Variants in ADCY2 observed in about 807,000 individuals in gnomAD.
The protein encoded by ADCY2 is adenylate cyclase type 2.
ADCY2 carries 31 observed loss-of-function variants against 125.2 expected under a neutral mutation model. The observed-to-expected ratio is 0.25, with a 90% CI of 0.19 to 0.33. The LOEUF is 0.33. Among genes scored for constraint, ADCY2 ranks in the 10% least tolerant of loss-of-function variants. The pLI is 1.00. For synonymous variants in ADCY2, 512 were observed against 548.4 expected, an observed-to-expected ratio of 0.93 and a Z score of 0.93; for missense variants, 904 against 1,418.2, an observed-to-expected ratio of 0.64 and a Z score of 5.82.
rs553854254 is a variant in ADCY2, at chr5:7,673,205, C to CCAGCCTGG, written c.721-17485_721-17478dup. On this transcript the variant is annotated intron_variant, in intron 4 of 24. Transcript: ENST00000338316. ...ATCACTTGAGCTCAGGACTACAAGA[C>CCAGCCTGG]CAGCCTGGGCAACATGGTGAAACCT... Among the ~76,000 whole-genome samples the CCAGCCTGG allele has an allele frequency of 2.0e-4, 25 of 125,610 alleles. 1 individual carries two copies. In the South Asian group the frequency reaches 6.6e-3, roughly 33 times the overall value. 82.4% of individuals were successfully genotyped at this position (125,610 alleles called of 152,430 possible).
At chr5:7,493,748 A>G (rs1470252958) in intron 2 of ADCY2, among the ~76,000 whole-genome samples, 1 of 152,156 alleles carries the variant, frequency 6.6e-6, no homozygotes, top group Non-Finnish European at 1.5e-5. Context: ...TCAGGAGTTC[A>G]ATCACGGGAT....
At chr5:7,806,080 C>A (rs1425950796) in intron 22 of ADCY2, among the ~76,000 whole-genome samples, 1 of 152,108 alleles carries the variant, frequency 6.6e-6, no homozygotes, top group Non-Finnish European at 1.5e-5. Flanking sequence ...CTGCTGTATC[C>A]TCTGCATGGT....
chr5:7,550,733 G>A (rs1735303307), intron 3 of ADCY2, among the ~76,000 whole-genome samples: 1 of 152,114 alleles, frequency 6.6e-6, no homozygotes, highest in African/African-American at 2.4e-5. Context: ...ACCTGAGGCA[G>A]CGCCCATCCC....
intron 3 of ADCY2, among the ~76,000 whole-genome samples, chr5:7,613,455 G>A (rs187011788): frequency 6.6e-6 from 1 of 152,180 alleles, no homozygotes. Flanking sequence ...AATTCCACCA[G>A]GCTGTCCCTC....
intron 7 of ADCY2, among the ~76,000 whole-genome samples, chr5:7,701,180 G>A (rs1392224196): frequency 6.6e-6 from 1 of 151,850 alleles, no homozygotes; most frequent in African/African-American, 2.4e-5. Flanking sequence ...GAGTACTATT[G>A]GAGGGAGGTA....
intron 3 of ADCY2, among the ~76,000 whole-genome samples, chr5:7,587,169 A>G (rs556531509): frequency 1.1e-4 from 17 of 152,132 alleles, no homozygotes; most frequent in African/African-American, 4.1e-4. Context: ...GCACCATACC[A>G]TCACTCGCAG....
At chr5:7,397,082 C>T (rs1002227838) in intron 1 of ADCY2, among the ~76,000 whole-genome samples, 2 of 152,182 alleles carry the variant, frequency 1.3e-5, no homozygotes, top group African/African-American at 2.4e-5. Flanking sequence ...GCCCGATAGA[C>T]GGAAAGTGAT....
chr5:7,693,714 C>T (rs989568229), intron 5 of ADCY2, among the ~76,000 whole-genome samples: 5 of 152,162 alleles, frequency 3.3e-5, no homozygotes, highest in Admixed American at 2.0e-4. Flanking sequence ...TGAGCCACCA[C>T]GCCCGGCCAT....
chr5:7,775,311 C>T (rs1743686019), intron 18 of ADCY2, among the ~76,000 whole-genome samples: 1 of 152,072 alleles, frequency 6.6e-6, no homozygotes, highest in Non-Finnish European at 1.5e-5. Context: ...AAACTTCTGG[C>T]CTCAAGTGAT....
chr5:7,436,098 A>G, intron 2 of ADCY2, among the ~76,000 whole-genome samples: 1 of 152,224 alleles, frequency 6.6e-6, no homozygotes, highest in African/African-American at 2.4e-5. Flanking sequence ...ACAGAGTTCA[A>G]TGATAATTAA....
intron 4 of ADCY2, among the ~76,000 whole-genome samples, chr5:7,660,297 A>AAGGAAGGG (rs1215647406): frequency 1.6e-4 from 23 of 148,198 alleles, no homozygotes; most frequent in African/African-American, 5.7e-4. Flanking sequence ...GGAAGGAAGG[A>AAGGAAGGG]AGGACTGTGA....
chr5:7,719,351 A>G (rs571054141), intron 12 of ADCY2, among the ~76,000 whole-genome samples: 10 of 152,360 alleles, frequency 6.6e-5, no homozygotes, highest in Admixed American at 1.3e-4. Context: ...CTCAAAAAAT[A>G]AAAGGGAAAT....
At chr5:7,582,462 C>G (rs1007009271) in intron 3 of ADCY2, among the ~76,000 whole-genome samples, 1 of 151,914 alleles carries the variant, frequency 6.6e-6, no homozygotes, top group African/African-American at 2.4e-5. Context: ...TAACAAAGAT[C>G]GTAGAAAAGA....
intron 5 of ADCY2, among the ~76,000 whole-genome samples, chr5:7,692,521 G>A (rs1740736323): frequency 6.6e-6 from 1 of 152,158 alleles, no homozygotes; most frequent in Non-Finnish European, 1.5e-5. Flanking sequence ...TTGCCTTCAG[G>A]TTTGTGAGAG....
intron 2 of ADCY2, among the ~76,000 whole-genome samples, chr5:7,489,597 G>A (rs1743083494): frequency 6.6e-6 from 1 of 152,106 alleles, no homozygotes; most frequent in Non-Finnish European, 1.5e-5. Context: ...ACATTCCTTT[G>A]CTCTACCTTC....
intron 2 of ADCY2, among the ~76,000 whole-genome samples, chr5:7,481,978 G>A (rs1483512623): frequency 6.6e-6 from 1 of 152,068 alleles, no homozygotes; most frequent in Non-Finnish European, 1.5e-5. Context: ...TTCTAAGATG[G>A]TCCAATTACT....
intron 1 of ADCY2, among the ~76,000 whole-genome samples, chr5:7,403,977 A>C (rs111831354): frequency 1.7e-3 from 213 of 122,494 alleles, no homozygotes; most frequent in South Asian, 4.8e-3. Flanking sequence ...CACACACACA[A>C]AATTACTAAA....
At chr5:7,662,535 C>T (rs910159941) in intron 4 of ADCY2, among the ~76,000 whole-genome samples, 5 of 152,218 alleles carry the variant, frequency 3.3e-5, no homozygotes, top group African/African-American at 7.2e-5. Context: ...CAGCCCAGCA[C>T]GGCAGCACTG....
intron 4 of ADCY2, among the ~76,000 whole-genome samples, chr5:7,664,386 C>T (rs1013651911): frequency 2.6e-5 from 4 of 152,126 alleles, no homozygotes; most frequent in Admixed American, 2.0e-4. Context: ...TTTCAGAGAG[C>T]GATGGTAAGG....
Sources: allele counts gnomAD v4.1 joint callset (sites outside exome capture counted in the v4.1 genomes callset), GRCh38; gene constraint gnomAD v4.1.1; transcripts MANE v1.5; gene names NCBI Gene and HGNC (gene_info 2026-07-23, HGNC 2026-07-21).